The following MAGI3 variants were observed in gnomAD, a reference collection of about 807,000 sequenced individuals.
MAGI3 encodes membrane associated guanylate kinase, WW and PDZ domain containing 3.
MAGI3 carries 43 observed loss-of-function variants against 121.8 expected under a neutral mutation model. That is an observed-to-expected ratio of 0.35 (90% CI 0.28 to 0.46). The LOEUF is 0.46. Ranked by LOEUF, MAGI3 falls within the 20% of genes least tolerant of loss-of-function variation. The probability of loss-of-function intolerance (pLI) is 1.00; values close to 1 mark genes in which losing one functional copy is unlikely to be tolerated. For synonymous variants in MAGI3, 553 were observed against 639.3 expected, an observed-to-expected ratio of 0.86 and a Z score of 2.04; for missense variants, 1,547 against 1,797.3, an observed-to-expected ratio of 0.86 and a Z score of 2.52.
intron 1 of MAGI3, among the ~76,000 whole-genome samples, chr1:113,536,098 A>C (rs905742182): frequency 2.6e-5 from 4 of 151,792 alleles, no homozygotes; most frequent in Middle Eastern, 3.5e-3. Flanking sequence ...AGCCAAATAC[A>C]AGAAGAGCCT....
At chr1:113,544,813 T>C (rs533490532) in intron 1 of MAGI3, among the ~76,000 whole-genome samples, 2 of 152,334 alleles carry the variant, frequency 1.3e-5, no homozygotes, top group African/African-American at 4.8e-5. Flanking sequence ...ATCAGACCTA[T>C]ACAATTCTTA....
intron 1 of MAGI3, among the ~76,000 whole-genome samples, chr1:113,545,975 A>C (rs180970912): frequency 2.6e-5 from 4 of 152,310 alleles, no homozygotes; most frequent in Admixed American, 2.6e-4. Flanking sequence ...GATAATACAG[A>C]TATATTCAGC....
At chr1:113,545,626 G>GT (rs1049596767) in intron 1 of MAGI3, among the ~76,000 whole-genome samples, 1 of 152,130 alleles carries the variant, frequency 6.6e-6, no homozygotes, top group Non-Finnish European at 1.5e-5. Context: ...TAGTTAACGA[G>GT]TTTTTTTAAG....
At chr1:113,418,861 T>A (rs1652591445) in intron 1 of MAGI3, among the ~76,000 whole-genome samples, 1 of 152,174 alleles carries the variant, frequency 6.6e-6, no homozygotes, top group African/African-American at 2.4e-5. Context: ...AACTTTAGCA[T>A]CTATGAACAG....
chr1:113,423,856 C>T (rs1652858469), intron 1 of MAGI3, among the ~76,000 whole-genome samples: 1 of 151,000 alleles, frequency 6.6e-6, no homozygotes, highest in Non-Finnish European at 1.5e-5. Context: ...AAGTTTCAGC[C>T]TCAGAAGCAG....
At chr1:113,395,576 T>C (rs1248244992) in intron 1 of MAGI3, among the ~76,000 whole-genome samples, 1 of 151,872 alleles carries the variant, frequency 6.6e-6, no homozygotes, top group Non-Finnish European at 1.5e-5. Flanking sequence ...ATATTTTCTC[T>C]CCATCATTCT....
intron 6 of MAGI3, among the ~76,000 whole-genome samples, chr1:113,608,945 T>G (rs536978828): frequency 1.2e-4 from 18 of 152,298 alleles, no homozygotes; most frequent in Non-Finnish European, 2.4e-4. Flanking sequence ...TCATCCTAAG[T>G]ATATTTTTCT....
chr1:113,563,983 T>C (rs1403872555), intron 2 of MAGI3, among the ~76,000 whole-genome samples: 2 of 152,210 alleles, frequency 1.3e-5, no homozygotes, highest in Non-Finnish European at 2.9e-5. Flanking sequence ...CTTATTTAAA[T>C]ATTCTCCCTC....
At chr1:113,461,647 C>A (rs192619695) in intron 1 of MAGI3, among the ~76,000 whole-genome samples, 1 of 152,242 alleles carries the variant, frequency 6.6e-6, no homozygotes, top group East Asian at 1.9e-4. Flanking sequence ...GCAATACCAT[C>A]CTGGACATAG....
chr1:113,635,808 T>G (rs1570974291), intron 9 of MAGI3, among the ~76,000 whole-genome samples: 1 of 151,298 alleles, frequency 6.6e-6, no homozygotes, highest in African/African-American at 2.4e-5. Context: ...ATGGTACCAG[T>G]TCCTCCTTGT....
intron 11 of MAGI3, among the ~76,000 whole-genome samples, chr1:113,645,211 A>G (rs1652766129): frequency 6.6e-6 from 1 of 152,026 alleles, no homozygotes; most frequent in African/African-American, 2.4e-5. Context: ...TTTGGTAGAG[A>G]TGGAGTTTCA....
intron 9 of MAGI3, among the ~76,000 whole-genome samples, chr1:113,627,881 C>T (rs1570961714): frequency 6.6e-6 from 1 of 151,860 alleles, no homozygotes; most frequent in Admixed American, 6.6e-5. Context: ...TGTCTTTTTC[C>T]AGTCCTTTAT....
At chr1:113,626,506 T>A (rs1163949853) in intron 9 of MAGI3, among the ~76,000 whole-genome samples, 1 of 152,190 alleles carries the variant, frequency 6.6e-6, no homozygotes, top group Non-Finnish European at 1.5e-5. Context: ...TTCCCTCTAT[T>A]TTTCAGAATA....
At chr1:113,624,027 A>C (rs1217593040) in intron 9 of MAGI3, among the ~76,000 whole-genome samples, 2 of 152,224 alleles carry the variant, frequency 1.3e-5, no homozygotes, top group African/African-American at 4.8e-5. Context: ...GTCATTGCAA[A>C]TGACAAGATC....
intron 1 of MAGI3, among the ~76,000 whole-genome samples, chr1:113,514,293 A>G (rs2101616967): frequency 6.6e-6 from 1 of 152,180 alleles, no homozygotes; most frequent in East Asian, 1.9e-4. Context: ...CCAAAGGACT[A>G]TAAATCATGC....
chr1:113,411,187 A>C (rs980072462), intron 1 of MAGI3, among the ~76,000 whole-genome samples: 1 of 152,156 alleles, frequency 6.6e-6, no homozygotes, highest in South Asian at 2.1e-4. Context: ...TAAAACATTA[A>C]TATATAATTT....
intron 5 of MAGI3, among the ~76,000 whole-genome samples, chr1:113,591,485 C>G (rs1053991148): frequency 2.6e-5 from 4 of 152,100 alleles, no homozygotes; most frequent in African/African-American, 9.7e-5. Context: ...AGTCTTGAAT[C>G]TGTTTCCTCA....
Position 113,684,165 on chromosome 1 carries a change from T to C in MAGI3, c.*151T>C. ...AGTTACCTAGGCTGCATGAAGGGCCTTTAGGATTGCTAAGAACCAACTGTC... is the reference window on the plus strand; with the variant it reads ...AGTTACCTAGGCTGCATGAAGGGCCCTTAGGATTGCTAAGAACCAACTGTC... On this transcript the variant is annotated 3_prime_UTR_variant, in exon 21 of 21. Coordinates refer to ENST00000307546, the MANE Select transcript of MAGI3 (RefSeq NM_001142782.2). The C allele has an allele frequency of 1.2e-6, 1 of 862,064 alleles. No individual in the cohort carries two copies. The highest frequency in any genetic ancestry group is 3.0e-5 in the East Asian group (1 of 33,400). 53.4% of individuals were successfully genotyped at this position (862,064 alleles called of 1,614,324 possible). A position where few individuals can be genotyped will look rare whatever the true frequency, so the allele number is the denominator to read the frequency against.
intron 2 of MAGI3, among the ~76,000 whole-genome samples, chr1:113,555,276 A>C (rs980610401): frequency 6.6e-6 from 1 of 152,250 alleles, no homozygotes; most frequent in Admixed American, 6.5e-5. Context: ...CACAAACAAC[A>C]AACGAAATGT....
Sources: gnomAD v4.1 joint callset for allele counts (sites outside exome capture counted in the v4.1 genomes callset) on GRCh38, gnomAD v4.1.1 for gene constraint, MANE v1.5 for transcripts, NCBI Gene and HGNC (gene_info 2026-07-23, HGNC 2026-07-21) for gene names.